Variants in PPP1R14D observed in about 807,000 individuals in gnomAD.
PPP1R14D encodes protein phosphatase 1 regulatory inhibitor subunit 14D, also known as protein phosphatase 1 regulatory subunit 14D.
A neutral mutation model predicts 17.1 loss-of-function variants in PPP1R14D; 14 were observed. That is an observed-to-expected ratio of 0.82 (90% CI 0.54 to 1.28). The LOEUF is 1.28. PPP1R14D is among the 50% of genes most tolerant of loss of function. PPP1R14D has a pLI of 0.00. For synonymous variants in PPP1R14D, 67 were observed against 66.1 expected (o/e 1.01, Z -0.06); for missense variants, 173 against 179.2 (o/e 0.97, Z 0.20).
At chr15:40,818,679 G>A (rs552631688) in intron 1 of PPP1R14D, among the ~76,000 whole-genome samples, 2 of 152,304 alleles carry the variant, frequency 1.3e-5, no homozygotes, top group East Asian at 3.9e-4. Context: ...ATAGTAAAAA[G>A]ATCAGTGATT....
chr15:40,828,624 A>T lies in PPP1R14D; in HGVS notation c.18T>A (p.Pro6=). 1 of 1,612,364 alleles carries T rather than the reference A, an allele frequency of 6.2e-7. No individual in the cohort carries two copies. The highest frequency in any genetic ancestry group is 8.5e-7 in the Non-Finnish European group (1 of 1,178,968). Residue 6 remains proline (P), a synonymous_variant, in exon 1 of 4, where the codon CCT becomes CCA. Coordinates refer to ENST00000299174, the MANE Select transcript of PPP1R14D (RefSeq NM_017726.8). MLSSS[P]ASCTSPSPDG... The stretch of plus-strand genomic sequence containing the variant: ...CTGGGCTGGGAGATGTGCAGGAAGC[A>T]GGGCTTGAAGACAGCATGGAAGTAT...
Position 40,815,567 on chromosome 15 carries a change from G to C in PPP1R14D, c.*129C>G. 8.7e-7 allele frequency: 1 copy of C among 1,147,108 alleles called. No homozygotes were observed. The highest frequency in any genetic ancestry group is 1.2e-6 in the Non-Finnish European group (1 of 810,650). The allele number at this position is 1,147,108 out of a possible 1,614,324, so 71.1% of individuals were successfully genotyped here. A position where few individuals can be genotyped will look rare whatever the true frequency, so the allele number is the denominator to read the frequency against. On this transcript the variant is annotated 3_prime_UTR_variant, in exon 4 of 4. Transcript: ENST00000299174. ...AGCTGTGACCACACAGACAGTAGGA[G>C]TATGCAAATGTCCCTCCTTGTCCAC...
intron 1 of PPP1R14D, among the ~76,000 whole-genome samples, chr15:40,826,090 G>C (rs552379651): frequency 6.6e-6 from 1 of 152,196 alleles, no homozygotes; most frequent in Non-Finnish European, 1.5e-5. Flanking sequence ...TATGTCCTGC[G>C]AGGTCAGAGC....
intron 1 of PPP1R14D, among the ~76,000 whole-genome samples, chr15:40,821,860 G>A (rs531458509): frequency 3.9e-5 from 6 of 152,308 alleles, no homozygotes; most frequent in African/African-American, 7.2e-5. Context: ...CCTGGGAGGC[G>A]GAGGCTGCGG....
intron 1 of PPP1R14D, among the ~76,000 whole-genome samples, chr15:40,816,734 T>A (rs565404283): frequency 6.6e-6 from 1 of 150,916 alleles, no homozygotes; most frequent in Non-Finnish European, 1.5e-5. Flanking sequence ...AAAATAAAAA[T>A]AATAAAAAAA....
At chr15:40,818,947 TA>T (rs1890723971) in intron 1 of PPP1R14D, among the ~76,000 whole-genome samples, 1 of 152,144 alleles carries the variant, frequency 6.6e-6, no homozygotes, top group Non-Finnish European at 1.5e-5. Flanking sequence ...AAGCTATACA[TA>T]TGTGGCGGCA....
chr15:40,828,294 C>T, intron 1 of PPP1R14D, 93 bp downstream of exon 1: 1 of 1,462,758 alleles, frequency 6.8e-7, no homozygotes, highest in South Asian at 1.4e-5. Flanking sequence ...CACGGAAGCA[C>T]CTCACATCAG....
intron 1 of PPP1R14D, among the ~76,000 whole-genome samples, chr15:40,824,755 C>A (rs1044258570): frequency 6.6e-6 from 1 of 151,994 alleles, no homozygotes; most frequent in African/African-American, 2.4e-5. Context: ...AAAAAGGAAG[C>A]TACAGGAAAG....
chr15:40,828,696 C>A lies in PPP1R14D; in HGVS notation c.-55G>T. The A allele has an allele frequency of 6.5e-7, 1 of 1,537,696 alleles. No homozygotes were observed. The highest frequency in any genetic ancestry group is 8.8e-7 in the Non-Finnish European group (1 of 1,141,690). Reference sequence around the variant, plus strand: ...AAAAACCGCCAGTTCTGAGCAGAGCCACAGAGGGAAGTGAGGAGACAGAGA... The same window carrying A: ...AAAAACCGCCAGTTCTGAGCAGAGCAACAGAGGGAAGTGAGGAGACAGAGA... On this transcript the variant is annotated 5_prime_UTR_variant, in exon 1 of 4. Coordinates refer to ENST00000299174, the MANE Select transcript of PPP1R14D (RefSeq NM_017726.8).
At chr15:40,821,986 T>C (rs1380946909) in intron 1 of PPP1R14D, among the ~76,000 whole-genome samples, 1 of 151,096 alleles carries the variant, frequency 6.6e-6, no homozygotes, top group Non-Finnish European at 1.5e-5. Flanking sequence ...TTTAAAAAAG[T>C]ATCAGTCTTG....
chr15:40,815,994 C>T lies in PPP1R14D; in HGVS notation c.340G>A (p.Ala114Thr). The T allele has an allele frequency of 6.2e-7, 1 of 1,614,030 alleles. No homozygotes were observed. Among genetic ancestry groups the T allele is most frequent in the Non-Finnish European group, 8.5e-7 (1 of 1,179,984 alleles). Reference protein sequence around the residue: ...STEEQKTQLEAILGNCPRPTE... With the variant: ...STEEQKTQLETILGNCPRPTE... ...GGGCGGGGGCAGTTCCCAAGAATGGCCTAGATAGGAGAGAACACAGACAGG... is the reference window on the plus strand; with the variant it reads ...GGGCGGGGGCAGTTCCCAAGAATGGTCTAGATAGGAGAGAACACAGACAGG... The change falls in exon 3 of 4, where the codon GCC becomes ACC. Residue 114 changes from alanine (A) to threonine (T), a missense_variant and splice_region_variant. Transcript: ENST00000299174.
intron 1 of PPP1R14D, 30 bp from the exon 2 acceptor site, chr15:40,816,283 G>A: frequency 1.9e-6 from 3 of 1,574,546 alleles, no homozygotes; most frequent in Non-Finnish European, 2.6e-6. Flanking sequence ...GTCTCAGAGG[G>A]GCCTGACCAG....
chr15:40,824,775 A>T (rs1156806990), intron 1 of PPP1R14D, among the ~76,000 whole-genome samples: 1 of 152,214 alleles, frequency 6.6e-6, no homozygotes, highest in African/African-American at 2.4e-5. Context: ...GGAATGTTTC[A>T]AAACTCTGGG....
intron 1 of PPP1R14D, among the ~76,000 whole-genome samples, chr15:40,826,172 G>A (rs1406343216): frequency 6.6e-6 from 1 of 152,168 alleles, no homozygotes; most frequent in East Asian, 1.9e-4. Flanking sequence ...GGCTTGGGAG[G>A]TAGATGCTTG....
intron 1 of PPP1R14D, among the ~76,000 whole-genome samples, chr15:40,821,114 C>T (rs1596126882): frequency 6.6e-6 from 1 of 151,976 alleles, no homozygotes; most frequent in East Asian, 1.9e-4. Flanking sequence ...AGGTGGGGAT[C>T]ACCTCAGGTC....
intron 1 of PPP1R14D, among the ~76,000 whole-genome samples, chr15:40,817,892 C>T (rs1430689853): frequency 2.0e-5 from 3 of 152,038 alleles, no homozygotes; most frequent in South Asian, 2.1e-4. Flanking sequence ...GGATTACAGG[C>T]GTAAGCACCA....
chr15:40,818,115 C>G (rs954231489), intron 1 of PPP1R14D, among the ~76,000 whole-genome samples: 8 of 151,328 alleles, frequency 5.3e-5, no homozygotes, highest in African/African-American at 1.5e-4. Context: ...ACAGTGAAAC[C>G]CCGTCTCTAC....
chr15:40,820,069 T>C (rs1363133044), intron 1 of PPP1R14D, among the ~76,000 whole-genome samples: 3 of 151,920 alleles, frequency 2.0e-5, no homozygotes, highest in Non-Finnish European at 4.4e-5. Flanking sequence ...TTTCTCCATG[T>C]TGGTCAGGCT....
At chr15:40,819,363 C>G (rs1009563901) in intron 1 of PPP1R14D, among the ~76,000 whole-genome samples, 2 of 152,080 alleles carry the variant, frequency 1.3e-5, no homozygotes, top group Non-Finnish European at 2.9e-5. Context: ...GCCTGGCCAA[C>G]TTGGTGAAAC....
Sources: gnomAD v4.1 joint callset for allele counts (sites outside exome capture counted in the v4.1 genomes callset) on GRCh38, gnomAD v4.1.1 for gene constraint, MANE v1.5 for transcripts, NCBI Gene and HGNC (gene_info 2026-07-23, HGNC 2026-07-21) for gene names.